The following DOCK4 variants were observed in gnomAD, a reference collection of about 807,000 sequenced individuals.
DOCK4 encodes the protein dedicator of cytokinesis 4.
A neutral mutation model predicts 268.1 loss-of-function variants in DOCK4; 97 were observed. That is an observed-to-expected ratio of 0.36 (90% confidence interval 0.31 to 0.43). The LOEUF (loss-of-function observed/expected upper bound fraction) is 0.43. DOCK4 is among the 20% of genes least tolerant of loss of function. DOCK4 has a pLI of 1.00. For missense variants in DOCK4, 2,145 were observed against 2,455.7 expected, an observed-to-expected ratio of 0.87 and a Z score of 2.67; for synonymous variants, 954 against 887.2, an observed-to-expected ratio of 1.08 and a Z score of -1.34.
intron 1 of DOCK4, among the ~76,000 whole-genome samples, chr7:112,029,077 G>A (rs570408699): frequency 2.0e-5 from 3 of 151,990 alleles, no homozygotes; most frequent in Admixed American, 6.6e-5. Context: ...TTCCAGCTGC[G>A]CCTGAAAAAT....
At chr7:112,092,278 CTAAA>C (rs1381196904) in intron 1 of DOCK4, among the ~76,000 whole-genome samples, 1 of 152,170 alleles carries the variant, frequency 6.6e-6, no homozygotes, top group Non-Finnish European at 1.5e-5. Flanking sequence ...TCATCTGCCA[CTAAA>C]TAAATAAACA....
intron 3 of DOCK4, among the ~76,000 whole-genome samples, chr7:112,000,038 G>T (rs751788363): frequency 6.6e-6 from 1 of 151,966 alleles, no homozygotes; most frequent in Non-Finnish European, 1.5e-5. Context: ...TAATAATATT[G>T]TTTTCCTGGC....
chr7:112,034,622 C>T (rs561137106), intron 1 of DOCK4, among the ~76,000 whole-genome samples: 1 of 152,304 alleles, frequency 6.6e-6, no homozygotes, highest in African/African-American at 2.4e-5. Context: ...AAATTTTGGC[C>T]AGATGCGGTG....
intron 1 of DOCK4, among the ~76,000 whole-genome samples, chr7:112,203,753 T>C (rs1821145638): frequency 6.6e-6 from 1 of 151,734 alleles, no homozygotes; most frequent in Non-Finnish European, 1.5e-5. Context: ...ACTTGCAATA[T>C]AAGCAGCTAT....
intron 13 of DOCK4, among the ~76,000 whole-genome samples, chr7:111,911,807 TG>T (rs1157174710): frequency 6.6e-6 from 1 of 151,906 alleles, no homozygotes; most frequent in Non-Finnish European, 1.5e-5. Context: ...TGCTCTAAAA[TG>T]TTTTTTTTTT....
intron 1 of DOCK4, among the ~76,000 whole-genome samples, chr7:112,182,387 A>T (rs541371750): frequency 6.6e-6 from 1 of 152,378 alleles, no homozygotes; most frequent in Non-Finnish European, 1.5e-5. Flanking sequence ...AAGCTACAGA[A>T]CATAAATGAT....
At chr7:111,954,630 C>G (rs1370010854) in intron 8 of DOCK4, among the ~76,000 whole-genome samples, 1 of 152,124 alleles carries the variant, frequency 6.6e-6, no homozygotes, top group African/African-American at 2.4e-5. Context: ...ACACATACCC[C>G]CTGAAGATGG....
intron 25 of DOCK4, among the ~76,000 whole-genome samples, chr7:111,838,972 C>T (rs1803458642): frequency 6.6e-6 from 1 of 152,128 alleles, no homozygotes; most frequent in Non-Finnish European, 1.5e-5. Flanking sequence ...TGAGTTCATT[C>T]CTTGTTTGGG....
At chr7:111,907,042 A>G (rs1409079011) in intron 13 of DOCK4, among the ~76,000 whole-genome samples, 2 of 152,144 alleles carry the variant, frequency 1.3e-5, no homozygotes, top group Admixed American at 1.3e-4. Context: ...GAGACCTTCA[A>G]GGAGGAGGAA....
intron 6 of DOCK4, 106 bp from the exon 7 acceptor site, chr7:111,984,496 C>A (rs1162014735): frequency 2.3e-6 from 2 of 872,534 alleles, no homozygotes; most frequent in Non-Finnish European, 3.6e-6. Context: ...ATATCACCCA[C>A]CATGCTTCTC....
At chr7:111,970,170 G>A (rs1413234522) in intron 8 of DOCK4, among the ~76,000 whole-genome samples, 1 of 152,132 alleles carries the variant, frequency 6.6e-6, no homozygotes, top group Non-Finnish European at 1.5e-5. Flanking sequence ...AGTAAAAATA[G>A]GTTGATGAAG....
intron 2 of DOCK4, among the ~76,000 whole-genome samples, chr7:112,001,650 T>C (rs1434041925): frequency 6.6e-6 from 1 of 152,240 alleles, no homozygotes; most frequent in East Asian, 1.9e-4. Flanking sequence ...TGCTAAAATC[T>C]AGGTAAAAAT....
At chr7:111,942,606 C>A (rs571251035) in intron 10 of DOCK4, among the ~76,000 whole-genome samples, 1 of 151,956 alleles carries the variant, frequency 6.6e-6, no homozygotes, top group East Asian at 1.9e-4. Flanking sequence ...TGACTCATCC[C>A]GGTCACCTGC....
At chr7:112,046,808 C>T (rs900744924) in intron 1 of DOCK4, among the ~76,000 whole-genome samples, 2 of 152,154 alleles carry the variant, frequency 1.3e-5, no homozygotes, top group Non-Finnish European at 2.9e-5. Context: ...ATAGAGGGTC[C>T]AGGCCATGGA....
At chr7:112,098,488 T>C (rs1206307892) in intron 1 of DOCK4, among the ~76,000 whole-genome samples, 1 of 150,690 alleles carries the variant, frequency 6.6e-6, no homozygotes, top group Non-Finnish European at 1.5e-5. Flanking sequence ...ATAAATTATA[T>C]ATCTTATAGT....
intron 32 of DOCK4, among the ~76,000 whole-genome samples, chr7:111,788,345 T>C (rs527699792): frequency 2.2e-4 from 34 of 152,280 alleles, no homozygotes; most frequent in East Asian, 3.9e-4. Flanking sequence ...CTCCCACTTA[T>C]AACCCCACTT....
chr7:111,887,118 G>A (rs888770695), intron 16 of DOCK4, among the ~76,000 whole-genome samples: 3 of 152,234 alleles, frequency 2.0e-5, no homozygotes, highest in East Asian at 1.9e-4. Flanking sequence ...AAGTATTATC[G>A]AGGAGGTGGA....
chr7:111,828,156 C>T (rs1264766259), intron 26 of DOCK4, among the ~76,000 whole-genome samples: 1 of 152,150 alleles, frequency 6.6e-6, no homozygotes, highest in Non-Finnish European at 1.5e-5. Context: ...TGATCACTAC[C>T]TAGTGTTTAC....
chr7:111,909,639 A>C (rs959467365), intron 13 of DOCK4, among the ~76,000 whole-genome samples: 4 of 152,302 alleles, frequency 2.6e-5, no homozygotes, highest in African/African-American at 9.6e-5. Flanking sequence ...CCAAATCTCA[A>C]CCCTATCACT....
Sources: gnomAD v4.1 joint callset for allele counts (sites outside exome capture counted in the v4.1 genomes callset) on GRCh38, gnomAD v4.1.1 for gene constraint, MANE v1.5 for transcripts, NCBI Gene and HGNC (gene_info 2026-07-23, HGNC 2026-07-21) for gene names.